The following STARD3NL variants were observed in gnomAD, a reference collection of about 807,000 sequenced individuals.
STARD3NL encodes the protein STARD3 N-terminal like.
STARD3NL carries 17 observed loss-of-function variants against 30.9 expected under a neutral mutation model. The observed-to-expected ratio is 0.55, with a 90% CI of 0.38 to 0.82. STARD3NL has a LOEUF of 0.82. STARD3NL is among the 40% of genes least tolerant of loss of function. The probability of loss-of-function intolerance (pLI) is 0.00; values close to 1 mark genes in which losing one functional copy is unlikely to be tolerated. For synonymous variants in STARD3NL, 112 were observed against 100.5 expected, an observed-to-expected ratio of 1.11 and a Z score of -0.69; for missense variants, 234 against 277.6, an observed-to-expected ratio of 0.84 and a Z score of 1.12.
chr7:38,220,713 A>C (rs1786407182), intron 7 of STARD3NL, among the ~76,000 whole-genome samples: 1 of 152,246 alleles, frequency 6.6e-6, no homozygotes, highest in Non-Finnish European at 1.5e-5. Flanking sequence ...AGCATTATTC[A>C]CAGTAGCTAA....
At chr7:38,194,080 G>T in intron 1 of STARD3NL, among the ~76,000 whole-genome samples, 1 of 151,790 alleles carries the variant, frequency 6.6e-6, no homozygotes, top group African/African-American at 2.4e-5. Context: ...TCTTTTTTTG[G>T]AATGGTTTAT....
At chr7:38,209,503 C>T (rs933908803) in intron 2 of STARD3NL, among the ~76,000 whole-genome samples, 2 of 152,134 alleles carry the variant, frequency 1.3e-5, no homozygotes, top group African/African-American at 4.8e-5. Flanking sequence ...CCACACTGTT[C>T]TCTATCTCCT....
intron 4 of STARD3NL, chr7:38,215,370 C>A: frequency 2.1e-6 from 1 of 467,556 alleles, no homozygotes. Context: ...AAGCACCAAG[C>A]CACCCTCTAC....
intron 1 of STARD3NL, among the ~76,000 whole-genome samples, chr7:38,207,030 A>G (rs1785525139): frequency 6.6e-6 from 1 of 152,214 alleles, no homozygotes; most frequent in African/African-American, 2.4e-5. Context: ...TTCTGCTTAC[A>G]TGCTCCAGGA....
chr7:38,229,461 C>T (rs1786974514), intron 8 of STARD3NL, among the ~76,000 whole-genome samples: 2 of 152,308 alleles, frequency 1.3e-5, no homozygotes. Context: ...TTGTTAAATC[C>T]CTTTAAGTCA....
chr7:38,196,297 C>T (rs1287596919), intron 1 of STARD3NL, among the ~76,000 whole-genome samples: 2 of 152,164 alleles, frequency 1.3e-5, no homozygotes, highest in Non-Finnish European at 2.9e-5. Flanking sequence ...TCCTGGCTGA[C>T]CCATCCTCTT....
intron 1 of STARD3NL, among the ~76,000 whole-genome samples, chr7:38,193,534 A>G (rs1481379845): frequency 7.2e-5 from 11 of 152,144 alleles, no homozygotes; most frequent in African/African-American, 2.7e-4. Flanking sequence ...TCCTGACCTC[A>G]TGATCCACCC....
intron 3 of STARD3NL, 139 bp from the exon 4 acceptor site, chr7:38,214,889 G>C (rs1786010833): frequency 1.5e-6 from 1 of 675,080 alleles, no homozygotes. Context: ...ATTCCCAAAT[G>C]CTGGTCTACA....
At chr7:38,214,459 C>A in intron 3 of STARD3NL, 25 bp downstream of exon 3, 1 of 1,479,648 alleles carries the variant, frequency 6.8e-7, no homozygotes, top group Non-Finnish European at 9.4e-7. Context: ...TGTTTCATTT[C>A]AGATGTGATA....
In STARD3NL at chr7:38,193,859, G is replaced by A. The variant is rs79207010; in HGVS notation, c.-58-13588G>A. ...TGTGGTTAGTTTATACTTTTGTCCT[G>A]TAGTATGTTGCAATCTTTAATATTC... On this transcript the variant is annotated intron_variant, in intron 1 of 8. Coordinates refer to ENST00000009041, the MANE Select transcript of STARD3NL (RefSeq NM_032016.4). Among the ~76,000 whole-genome samples, 692 of 152,184 alleles carry A rather than the reference G, an allele frequency of 4.5e-3. 7 individuals carry two copies. The highest frequency in any genetic ancestry group is 0.014 in the Middle Eastern group (4 of 294).
intron 1 of STARD3NL, among the ~76,000 whole-genome samples, chr7:38,184,624 T>C (rs1001135931): frequency 6.8e-6 from 1 of 147,200 alleles, no homozygotes; most frequent in African/African-American, 2.5e-5. Flanking sequence ...ATATAGTATA[T>C]GATATATACT....
chr7:38,217,746 A>G (rs1484535640), intron 6 of STARD3NL, among the ~76,000 whole-genome samples: 1 of 152,232 alleles, frequency 6.6e-6, no homozygotes, highest in Non-Finnish European at 1.5e-5. Context: ...AATACAAGCC[A>G]GTGATTCTCC....
At chr7:38,194,128 T>C (rs1468448575) in intron 1 of STARD3NL, among the ~76,000 whole-genome samples, 1 of 152,188 alleles carries the variant, frequency 6.6e-6, no homozygotes, top group Non-Finnish European at 1.5e-5. Flanking sequence ...GTGTAATTTA[T>C]ATATTTCCAG....
intron 1 of STARD3NL, among the ~76,000 whole-genome samples, chr7:38,204,906 G>A (rs1322540136): frequency 4.0e-5 from 6 of 151,680 alleles, no homozygotes; most frequent in Admixed American, 1.3e-4. Context: ...TAAATTCCTC[G>A]ACACATACAC....
chr7:38,224,472 T>C (rs1275121348), intron 7 of STARD3NL, among the ~76,000 whole-genome samples: 1 of 152,244 alleles, frequency 6.6e-6, no homozygotes, highest in African/African-American at 2.4e-5. Context: ...CTGAGGTCAA[T>C]TGAGGTCTGA....
chr7:38,210,466 G>T (rs866116028), intron 2 of STARD3NL, among the ~76,000 whole-genome samples: 1 of 152,088 alleles, frequency 6.6e-6, no homozygotes, highest in Non-Finnish European at 1.5e-5. Context: ...CACCATCCCA[G>T]CCTCAAATGC....
intron 7 of STARD3NL, among the ~76,000 whole-genome samples, chr7:38,227,828 G>A (rs1786868735): frequency 6.6e-6 from 1 of 152,016 alleles, no homozygotes; most frequent in Non-Finnish European, 1.5e-5. Context: ...GTGTGTCTGT[G>A]TGTTTAATCT....
chr7:38,196,651 T>C (rs1427253973), intron 1 of STARD3NL, among the ~76,000 whole-genome samples: 1 of 152,168 alleles, frequency 6.6e-6, no homozygotes, highest in Non-Finnish European at 1.5e-5. Context: ...ATTTTTTAAT[T>C]TGAAGTAATA....
At chr7:38,215,562 C>T (rs1786059471) in intron 4 of STARD3NL, 1 of 158,726 alleles carries the variant, frequency 6.3e-6, no homozygotes, top group East Asian at 1.9e-4. Context: ...AGCTCTCAGT[C>T]TCTCTGTTGT....
Sources: allele counts gnomAD v4.1 joint callset (sites outside exome capture counted in the v4.1 genomes callset), GRCh38; gene constraint gnomAD v4.1.1; transcripts MANE v1.5; gene names NCBI Gene and HGNC (gene_info 2026-07-23, HGNC 2026-07-21).